The following BST1 variants were observed in gnomAD, a reference collection of about 807,000 sequenced individuals.
BST1 encodes the protein ADP-ribosyl cyclase/cyclic ADP-ribose hydrolase 2.
A neutral mutation model predicts 40.6 loss-of-function variants in BST1; 49 were observed. The observed-to-expected ratio is 1.21, with a 90% confidence interval of 0.96 to 1.53. BST1 has a LOEUF of 1.53. Ranked by LOEUF, BST1 falls within the 40% of genes most tolerant of loss-of-function variation. The probability of loss-of-function intolerance (pLI) is 0.00; values close to 1 mark genes in which losing one functional copy is unlikely to be tolerated. For missense variants in BST1, 423 were observed against 395.9 expected, an observed-to-expected ratio of 1.07 and a Z score of -0.58; for synonymous variants, 157 against 159.3, an observed-to-expected ratio of 0.99 and a Z score of 0.11.
At chr4:15,746,847 T>C in the BST1 span, among the ~76,000 whole-genome samples, 1 of 152,190 alleles carries the variant, frequency 6.6e-6, no homozygotes, top group Non-Finnish European at 1.5e-5. Flanking sequence ...ATAAACTTAG[T>C]TCTGGAGTCC....
intron 4 of BST1, 37 bp from the exon 5 acceptor site, chr4:15,715,248 G>T (rs757291144): frequency 6.3e-7 from 1 of 1,581,520 alleles, no homozygotes; most frequent in Non-Finnish European, 8.7e-7. Context: ...AAAATGTCAC[G>T]TCTTTATTTG....
intron 4 of BST1, among the ~76,000 whole-genome samples, chr4:15,712,158 T>A (rs1720252786): frequency 6.6e-6 from 1 of 152,200 alleles, no homozygotes; most frequent in Non-Finnish European, 1.5e-5. Context: ...TTATTTCCAT[T>A]ATGTCCTGGT....
chr4:15,720,456 A>G (rs1160951289), intron 7 of BST1, among the ~76,000 whole-genome samples: 1 of 152,088 alleles, frequency 6.6e-6, no homozygotes, highest in African/African-American at 2.4e-5. Flanking sequence ...GTCTCTACTA[A>G]AAATACAAAA....
chr4:15,764,936 T>C, the BST1 span, among the ~76,000 whole-genome samples: 3 of 149,408 alleles, frequency 2.0e-5, no homozygotes, highest in African/African-American at 7.4e-5. Flanking sequence ...CAGAGCCCTA[T>C]TGCATAGGTT....
intron 3 of BST1, among the ~76,000 whole-genome samples, chr4:15,707,866 T>TATATATATATACAC (rs1560277608): frequency 2.7e-5 from 4 of 147,896 alleles, no homozygotes; most frequent in Non-Finnish European, 1.5e-5. Context: ...TATATATATA[T>TATATATATATACAC]ATATATATAC....
At chr4:15,737,347 C>T (rs989733102), downstream of BST1, among the ~76,000 whole-genome samples, 51 of 152,164 alleles carry the variant, frequency 3.4e-4, no homozygotes, top group African/African-American at 1.1e-3. Flanking sequence ...CACTCGACCC[C>T]ATAGGATCAA....
chr4:15,752,108 CATT>C, the BST1 span, among the ~76,000 whole-genome samples: 2 of 152,168 alleles, frequency 1.3e-5, no homozygotes, highest in East Asian at 3.9e-4. Context: ...AAACAGCTAT[CATT>C]GTGTGTTTAT....
intron 7 of BST1, among the ~76,000 whole-genome samples, chr4:15,719,498 G>C (rs1720691805): frequency 6.6e-6 from 1 of 152,050 alleles, no homozygotes; most frequent in South Asian, 2.1e-4. Context: ...GGGCCTTGTT[G>C]CTTGGACATT....
downstream of BST1, among the ~76,000 whole-genome samples, chr4:15,733,108 A>C (rs1053516555): frequency 6.6e-6 from 1 of 152,162 alleles, no homozygotes; most frequent in Admixed American, 6.5e-5. Flanking sequence ...AAGGGGACCC[A>C]AGCTGGTTGC....
At chr4:15,705,066 G>A (rs1719801704) in intron 1 of BST1, 1 of 704,382 alleles carries the variant, frequency 1.4e-6, no homozygotes. Context: ...CTTTGCCAGA[G>A]GTGGAAGCCT....
the BST1 span, among the ~76,000 whole-genome samples, chr4:15,756,652 A>T: frequency 1.3e-5 from 2 of 152,216 alleles, no homozygotes; most frequent in Non-Finnish European, 2.9e-5. Context: ...TCAGGTCATC[A>T]TCATAGACTT....
At chr4:15,754,853 T>G in the BST1 span, among the ~76,000 whole-genome samples, 1 of 152,218 alleles carries the variant, frequency 6.6e-6, no homozygotes, top group Non-Finnish European at 1.5e-5. Context: ...GATGACCACT[T>G]GTTTAAAGTT....
At chr4:15,752,621 C>T in the BST1 span, among the ~76,000 whole-genome samples, 1 of 151,944 alleles carries the variant, frequency 6.6e-6, no homozygotes, top group Non-Finnish European at 1.5e-5. Context: ...CTCCTGACCT[C>T]AAGTGATCCA....
intron 7 of BST1, 66 bp from the exon 8 acceptor site, chr4:15,722,809 A>C: frequency 7.1e-7 from 1 of 1,410,014 alleles, no homozygotes; most frequent in Admixed American, 1.7e-5. Context: ...TTTTCAGGCA[A>C]GCCATAAATG....
the BST1 span, among the ~76,000 whole-genome samples, chr4:15,749,197 G>A: frequency 1.3e-5 from 2 of 152,192 alleles, no homozygotes; most frequent in East Asian, 3.9e-4. Flanking sequence ...TGCCCCGTGT[G>A]GGGGCAGAAC....
intron 7 of BST1, among the ~76,000 whole-genome samples, chr4:15,719,944 C>T (rs759391447): frequency 2.0e-5 from 3 of 152,168 alleles, no homozygotes; most frequent in Admixed American, 6.5e-5. Flanking sequence ...TTGTTTATCA[C>T]CCCTTTTAAA....
At chr4:15,745,630 A>G in the BST1 span, among the ~76,000 whole-genome samples, 2 of 152,228 alleles carry the variant, frequency 1.3e-5, no homozygotes, top group African/African-American at 4.8e-5. Context: ...AACGGATCAG[A>G]ACCATATTCC....
chr4:15,712,093 C>A (rs767976331), intron 4 of BST1, among the ~76,000 whole-genome samples: 1 of 151,874 alleles, frequency 6.6e-6, no homozygotes, highest in South Asian at 2.1e-4. Context: ...GTGCCTGGCA[C>A]GGAGAAAACA....
rs778645668 is a variant in BST1, at chr4:15,707,475, G to T, written c.316-36G>T. 12 of 1,611,644 alleles carry T rather than the reference G, an allele frequency of 7.4e-6. No homozygotes were observed. The South Asian group carries it at 1.3e-4, about 18-fold the overall frequency. ...TGCCTGAGGAGTCGGTTTTGATTCT[G>T]TTTTGTATTTTGATGTTTTGTTTGT... On this transcript the variant is annotated intron_variant, in intron 2 of 8. Coordinates refer to ENST00000265016, the MANE Select transcript of BST1 (RefSeq NM_004334.3).
Sources: gnomAD v4.1 joint callset for allele counts (sites outside exome capture counted in the v4.1 genomes callset) on GRCh38, gnomAD v4.1.1 for gene constraint, MANE v1.5 for transcripts, NCBI Gene and HGNC (gene_info 2026-07-23, HGNC 2026-07-21) for gene names.